Variants in MICAL3 observed in about 807,000 individuals in gnomAD.
The protein encoded by MICAL3 is microtubule associated monooxygenase, calponin and LIM domain containing 3.
Under a neutral mutation model 207.4 loss-of-function variants are expected in MICAL3, and 62 were observed. That is an observed-to-expected ratio of 0.30 (90% CI 0.24 to 0.37). The LOEUF is 0.37. Ranked by LOEUF, MICAL3 falls within the 10% of genes least tolerant of loss-of-function variation. The probability of loss-of-function intolerance (pLI) is 1.00; values close to 1 mark genes in which losing one functional copy is unlikely to be tolerated. For synonymous variants in MICAL3, 1,077 were observed against 1,069.3 expected, an observed-to-expected ratio of 1.01 and a Z score of -0.14; for missense variants, 2,368 against 2,635.6, an observed-to-expected ratio of 0.90 and a Z score of 2.22.
At chr22:17,856,797 A>G (rs1410191306) in intron 19 of MICAL3, among the ~76,000 whole-genome samples, 1 of 151,498 alleles carries the variant, frequency 6.6e-6, no homozygotes, top group East Asian at 1.9e-4. Context: ...AATTTTTTGT[A>G]TTTTTAGTAG....
intron 1 of MICAL3, among the ~76,000 whole-genome samples, chr22:17,973,949 T>G (rs995162424): frequency 3.3e-5 from 5 of 152,004 alleles, no homozygotes; most frequent in African/African-American, 4.8e-5. Flanking sequence ...TTAAGATACA[T>G]AAATAAAAAA....
intron 1 of MICAL3, among the ~76,000 whole-genome samples, chr22:17,976,535 A>G (rs563955380): frequency 0.078 from 7,538 of 96,952 alleles, 1,076 homozygotes; most frequent in African/African-American, 0.27. Flanking sequence ...GTGTATATAT[A>G]TGTGTGTGTG....
At chr22:17,795,741 T>C (rs938746350) in intron 29 of MICAL3, among the ~76,000 whole-genome samples, 2 of 152,246 alleles carry the variant, frequency 1.3e-5, no homozygotes, top group African/African-American at 4.8e-5. Flanking sequence ...ACCTTCGGAC[T>C]TCCCTGTACG....
chr22:17,995,954 A>G (rs1193316822), intron 1 of MICAL3, among the ~76,000 whole-genome samples: 3 of 151,856 alleles, frequency 2.0e-5, no homozygotes, highest in African/African-American at 7.3e-5. Flanking sequence ...CGAGCCCAGG[A>G]GCTCTAGACC....
chr22:17,879,301 T>C, intron 16 of MICAL3: 1 of 1,556,016 alleles, frequency 6.4e-7, no homozygotes, highest in Non-Finnish European at 8.7e-7. Context: ...GTGCCCCGTG[T>C]GCTTGGCTCT....
chr22:17,906,410 T>C, intron 2 of MICAL3, 139 bp downstream of exon 2: 1 of 1,550,976 alleles, frequency 6.4e-7, no homozygotes, highest in Non-Finnish European at 8.9e-7. Flanking sequence ...TCGATGGCTC[T>C]GGCACAGAAC....
intron 1 of MICAL3, among the ~76,000 whole-genome samples, chr22:17,911,003 AGGAGCCGGG>A (rs1932103383): frequency 8.1e-6 from 1 of 123,746 alleles, no homozygotes; most frequent in South Asian, 2.5e-4. Context: ...AGAGGAAGTG[AGGAGCCGGG>A]TTGGGGGCTG....
rs142888815 is a variant in MICAL3 at position 18,022,021 on chromosome 22, T to C, written c.-75+2260A>G. On this transcript the variant is annotated intron_variant, in intron 1 of 31. Coordinates refer to ENST00000441493, the MANE Select transcript of MICAL3 (RefSeq NM_015241.3). The stretch of plus-strand genomic sequence containing the variant: ...GAAGTTCTGGCACCAGGTGGGTAGA[T>C]CACATTTTCTAGTTTATGTAAAATT... Among the ~76,000 whole-genome samples, 477 of 152,254 alleles carry C rather than the reference T, an allele frequency of 3.1e-3. 2 individuals carry two copies. The highest frequency in any genetic ancestry group is 0.011 in the African/African-American group (455 of 41,540).
At chr22:17,825,397 G>A (rs1287679272) in intron 22 of MICAL3, among the ~76,000 whole-genome samples, 1 of 152,154 alleles carries the variant, frequency 6.6e-6, no homozygotes, top group African/African-American at 2.4e-5. Context: ...GCAGGTTGAT[G>A]AGCCACGTGC....
Position 17,790,918 on chromosome 22 carries a change from T to C in MICAL3, c.5825-2A>G. Reference sequence around the variant, plus strand: ...GCTCCTCCTCAGTCTTAAGGTGATCTTGAAGGAGAAGAAGGCATGAGGTGA... The same window carrying C: ...GCTCCTCCTCAGTCTTAAGGTGATCCTGAAGGAGAAGAAGGCATGAGGTGA... On this transcript the variant is annotated splice_acceptor_variant, in intron 31 of 31. Transcript: ENST00000441493. LOFTEE classifies it high-confidence loss of function. 1 of 1,613,666 alleles carries C rather than the reference T, an allele frequency of 6.2e-7. No homozygotes were observed. Among genetic ancestry groups the C allele is most frequent in the Non-Finnish European group, 8.5e-7 (1 of 1,179,864 alleles).
intron 1 of MICAL3, among the ~76,000 whole-genome samples, chr22:17,928,457 A>T (rs894179279): frequency 9.2e-5 from 14 of 151,820 alleles, no homozygotes; most frequent in Non-Finnish European, 1.0e-4. Context: ...AGAAAGAAAG[A>T]AAGAAAGAAA....
At chr22:17,933,770 C>T (rs1441677047) in intron 1 of MICAL3, among the ~76,000 whole-genome samples, 1 of 152,060 alleles carries the variant, frequency 6.6e-6, no homozygotes, top group African/African-American at 2.4e-5. Context: ...CAAACAGACA[C>T]AATAAAAAAT....
At chr22:17,884,597 C>T (rs1454485670) in intron 16 of MICAL3, among the ~76,000 whole-genome samples, 2 of 152,198 alleles carry the variant, frequency 1.3e-5, no homozygotes. Context: ...AGCTGTAATA[C>T]GCATCATCTC....
intron 15 of MICAL3, among the ~76,000 whole-genome samples, 191 bp downstream of exon 15, chr22:17,886,979 C>T (rs1305470192): frequency 4.8e-5 from 3 of 62,620 alleles, no homozygotes; most frequent in Non-Finnish European, 8.2e-5. Context: ...TGGAGAAAGA[C>T]TCTTGTCTCA....
intron 12 of MICAL3, 96 bp from the exon 13 acceptor site, chr22:17,889,326 G>A: frequency 1.1e-6 from 1 of 917,278 alleles, no homozygotes; most frequent in Non-Finnish European, 1.7e-6. Flanking sequence ...TCTGTTTTCA[G>A]CTAAAATCCA....
At chr22:17,815,957 G>C (rs1003630) in intron 27 of MICAL3, among the ~76,000 whole-genome samples, 52,279 of 152,112 alleles carry the variant, frequency 0.34, 9,480 homozygotes, top group African/African-American at 0.42. Flanking sequence ...GGAAGCTTTT[G>C]ACGCAAAAGG....
chr22:17,961,568 C>A (rs1038374216), intron 1 of MICAL3, among the ~76,000 whole-genome samples: 4 of 152,276 alleles, frequency 2.6e-5, no homozygotes, highest in Non-Finnish European at 5.9e-5. Context: ...GCTCCCAGAG[C>A]CCCTTGCCAA....
chr22:17,956,279 T>C (rs906832746), intron 1 of MICAL3, among the ~76,000 whole-genome samples: 17 of 152,128 alleles, frequency 1.1e-4, no homozygotes, highest in Middle Eastern at 3.2e-3. Flanking sequence ...AAACAGACAG[T>C]TGCAGAAAGG....
chr22:17,881,897 T>A (rs1244572132), intron 16 of MICAL3, among the ~76,000 whole-genome samples: 1 of 152,242 alleles, frequency 6.6e-6, no homozygotes, highest in Non-Finnish European at 1.5e-5. Context: ...TTCCCTCATT[T>A]CTGCCCCCTC....
Sources: gnomAD v4.1 joint callset for allele counts (sites outside exome capture counted in the v4.1 genomes callset) on GRCh38, gnomAD v4.1.1 for gene constraint, MANE v1.5 for transcripts, NCBI Gene and HGNC (gene_info 2026-07-23, HGNC 2026-07-21) for gene names.